The following ERCC6L2 variants were observed in gnomAD, a reference collection of about 807,000 sequenced individuals.
The protein encoded by ERCC6L2 is DNA excision repair protein ERCC-6-like 2.
ERCC6L2 carries 77 observed loss-of-function variants against 132.0 expected under a neutral mutation model. That is an observed-to-expected ratio of 0.58 (90% CI 0.49 to 0.71). The LOEUF is 0.71. ERCC6L2 is among the 30% of genes least tolerant of loss of function. The pLI is 0.00. For missense variants in ERCC6L2, 1,542 were observed against 1,837.6 expected, an observed-to-expected ratio of 0.84 and a Z score of 2.94; for synonymous variants, 583 against 632.4, an observed-to-expected ratio of 0.92 and a Z score of 1.17.
At chr9:95,951,465 A>C (rs1831329931) in intron 12 of ERCC6L2, among the ~76,000 whole-genome samples, 1 of 152,194 alleles carries the variant, frequency 6.6e-6, no homozygotes, top group Non-Finnish European at 1.5e-5. Flanking sequence ...AACAGAGATA[A>C]GTAAAACAAA....
At chr9:95,884,720 T>G (rs1361030405) in intron 2 of ERCC6L2, among the ~76,000 whole-genome samples, 1 of 152,230 alleles carries the variant, frequency 6.6e-6, no homozygotes, top group African/African-American at 2.4e-5. Context: ...ATCATTGGTA[T>G]GCTGAGCAAG....
intron 11 of ERCC6L2, among the ~76,000 whole-genome samples, chr9:95,932,065 A>T (rs1172127788): frequency 3.3e-5 from 5 of 151,440 alleles, no homozygotes; most frequent in Admixed American, 2.0e-4. Context: ...ATTTTGTTTG[A>T]AATGATCACT....
In ERCC6L2 at chr9:96,012,909, G is replaced by C. The variant is rs1207585355; in HGVS notation, c.4359G>C (p.Gly1453=). The change falls in exon 19 of 19, where the codon GGG becomes GGC. Residue 1453 remains glycine (G), a synonymous_variant. Transcript: ENST00000653738. ...SILDDLFKSH[G]NSPTQLPKKV... The stretch of plus-strand genomic sequence containing the variant: ...TTGATGACCTTTTTAAAAGTCATGG[G>C]AACAGTCCCACACAACTGCCAAAGA... The C allele has an allele frequency of 7.3e-7, 1 of 1,367,382 alleles. No individual in the cohort carries two copies. The highest frequency in any genetic ancestry group is 9.8e-7 in the Non-Finnish European group (1 of 1,021,776). The allele number at this position is 1,367,382 out of a possible 1,614,324, so 84.7% of individuals were successfully genotyped here.
chr9:96,002,857 T>A (rs562589681), intron 17 of ERCC6L2, among the ~76,000 whole-genome samples: 1 of 152,130 alleles, frequency 6.6e-6, no homozygotes, highest in African/African-American at 2.4e-5. Context: ...GGATTCTTCC[T>A]CCTTTTTCAG....
chr9:95,914,298 G>T (rs1829475601), intron 4 of ERCC6L2, among the ~76,000 whole-genome samples: 1 of 152,098 alleles, frequency 6.6e-6, no homozygotes, highest in South Asian at 2.1e-4. Context: ...GACATTTGGT[G>T]TCTATTAGAA....
At chr9:96,011,769 G>A (rs1834033137) in intron 18 of ERCC6L2, among the ~76,000 whole-genome samples, 1 of 152,192 alleles carries the variant, frequency 6.6e-6, no homozygotes, top group African/African-American at 2.4e-5. Flanking sequence ...GGGAAAAGGA[G>A]AGGGAAGGGA....
intron 2 of ERCC6L2, among the ~76,000 whole-genome samples, chr9:95,887,854 T>A (rs778811793): frequency 6.6e-6 from 1 of 152,176 alleles, no homozygotes; most frequent in Non-Finnish European, 1.5e-5. Context: ...AAAATAATAT[T>A]GTCTTTATTT....
At chr9:95,995,925 G>A (rs539871444) in intron 17 of ERCC6L2, among the ~76,000 whole-genome samples, 1 of 152,272 alleles carries the variant, frequency 6.6e-6, no homozygotes, top group South Asian at 2.1e-4. Context: ...AAATGCAACA[G>A]TATTGAAGTT....
At position 96,015,343 on chromosome 9, in the gene ERCC6L2, G is replaced by A. The variant is rs1307085162; in HGVS notation, c.*2140G>A. On this transcript the variant is annotated 3_prime_UTR_variant, in exon 19 of 19. Coordinates refer to ENST00000653738, the MANE Select transcript of ERCC6L2 (RefSeq NM_020207.7). ...TGGGACTACAGGTGCGTGCCACCAC[G>A]CCCAGCTAATTTTTTTGTGTTTTTA... Among the ~76,000 whole-genome samples, 7 of 151,570 alleles carry A rather than the reference G, an allele frequency of 4.6e-5. No individual in the cohort carries two copies. The highest frequency in any genetic ancestry group is 2.0e-4 in the East Asian group (1 of 5,062).
chr9:95,940,870 GGCTTTCTTTTTTGGAAAAGCCATGGAA>G (rs1196653098), intron 11 of ERCC6L2, among the ~76,000 whole-genome samples: 10 of 151,916 alleles, frequency 6.6e-5, no homozygotes, highest in Admixed American at 4.6e-4. Flanking sequence ...CCTTCAGCTA[GGCTTTCTTTTTTGGAAAAGCCATGGAA>G]GCTTTCTTTT....
At chr9:95,958,468 A>G (rs1220951866) in intron 13 of ERCC6L2, among the ~76,000 whole-genome samples, 1 of 152,136 alleles carries the variant, frequency 6.6e-6, no homozygotes, top group African/African-American at 2.4e-5. Context: ...TTACAGTCCC[A>G]CCAACAGTGT....
At chr9:96,024,759 G>A (rs535134421) in intron 19 of ERCC6L2, among the ~76,000 whole-genome samples, 2 of 152,132 alleles carry the variant, frequency 1.3e-5, no homozygotes, top group African/African-American at 2.4e-5. Flanking sequence ...ACTGCTTCCC[G>A]TTGGGTTATC....
chr9:95,966,286 T>C (rs1832151001), intron 13 of ERCC6L2, among the ~76,000 whole-genome samples: 1 of 152,228 alleles, frequency 6.6e-6, no homozygotes, highest in South Asian at 2.1e-4. Flanking sequence ...TAAACATTTA[T>C]GTCAGGTGGA....
Position 95,941,480 on chromosome 9 carries a change from T to C in ERCC6L2, c.1778T>C (p.Val593Ala), listed in dbSNP as rs756338348. 8.1e-6 allele frequency: 13 copies of C among 1,613,210 alleles called. No homozygotes were observed. Among genetic ancestry groups the C allele is most frequent in the Non-Finnish European group, 1.1e-5 (13 of 1,179,572 alleles). ...GCTGGTGGACTAGGCCTCAATTTTGTCGGTGCCAATGTTGTTGTATTATTT... is the reference window on the plus strand; with the variant it reads ...GCTGGTGGACTAGGCCTCAATTTTGCCGGTGCCAATGTTGTTGTATTATTT... ...TMAGGLGLNF[V>A]GANVVVLFDP... The change falls in exon 12 of 19, where the codon GTC (valine) becomes GCC (alanine). Residue 593 changes from valine to alanine, a missense_variant. Around this residue, in one of 4 missense-constraint regions of ERCC6L2, gnomAD observed 945 missense variants for 1,105.2 expected, o/e 0.86. Coordinates refer to ENST00000653738, the MANE Select transcript of ERCC6L2 (RefSeq NM_020207.7).
At chr9:96,031,166 A>G (rs1233245855) in intron 19 of ERCC6L2, among the ~76,000 whole-genome samples, 2 of 152,210 alleles carry the variant, frequency 1.3e-5, no homozygotes, top group East Asian at 3.8e-4. Context: ...GTGTCTGTGC[A>G]AGCAAGGTGC....
At chr9:95,919,513 A>G (rs569789040) in intron 6 of ERCC6L2, among the ~76,000 whole-genome samples, 31 of 152,036 alleles carry the variant, frequency 2.0e-4, no homozygotes, top group Middle Eastern at 3.2e-3. Context: ...CAAACACAAC[A>G]TGTCTAATTC....
intron 13 of ERCC6L2, among the ~76,000 whole-genome samples, chr9:95,960,065 A>C (rs573807627): frequency 4.1e-4 from 63 of 152,262 alleles, no homozygotes; most frequent in African/African-American, 1.5e-3. Flanking sequence ...AATTACAGCC[A>C]GCAGAGGTGT....
chr9:95,935,423 CAG>C (rs1830510879), intron 11 of ERCC6L2, among the ~76,000 whole-genome samples: 1 of 152,104 alleles, frequency 6.6e-6, no homozygotes, highest in African/African-American at 2.4e-5. Context: ...CTCAGTTTAA[CAG>C]AGTGTAAGTA....
chr9:95,902,139 G>A (rs1026736060), intron 3 of ERCC6L2, among the ~76,000 whole-genome samples: 1 of 120,180 alleles, frequency 8.3e-6, no homozygotes, highest in African/African-American at 3.0e-5. Context: ...AACTTTTCAA[G>A]TGTGAATAAA....
Sources: gnomAD v4.1 joint callset for allele counts (sites outside exome capture counted in the v4.1 genomes callset) on GRCh38, gnomAD v4.1.1 for gene constraint, gnomAD v4.1.1 regional missense constraint, MANE v1.5 for transcripts, NCBI Gene and HGNC (gene_info 2026-07-23, HGNC 2026-07-21) for gene names.